Variants in SHISA6 observed in about 807,000 individuals in gnomAD.
SHISA6 encodes the protein protein shisa-6.
Under a neutral mutation model 47.9 loss-of-function variants are expected in SHISA6, and 22 were observed. That is an observed-to-expected ratio of 0.46 (90% CI 0.33 to 0.66). The LOEUF (loss-of-function observed/expected upper bound fraction) is 0.66, where lower values mean the gene tolerates loss of function less well. SHISA6 is among the 30% of genes least tolerant of loss of function. The pLI is 0.02. For synonymous variants in SHISA6, 388 were observed against 337.8 expected, an observed-to-expected ratio of 1.15 and a Z score of -1.63; for missense variants, 680 against 764.6, an observed-to-expected ratio of 0.89 and a Z score of 1.30.
chr17:11,318,953 G>C (rs1381954941), intron 2 of SHISA6, among the ~76,000 whole-genome samples: 1 of 151,644 alleles, frequency 6.6e-6, no homozygotes, highest in African/African-American at 2.4e-5. Context: ...ATTTGGATCT[G>C]TTATCCTTTT....
chr17:11,306,467 C>G lies in SHISA6; in HGVS notation c.799+42941C>G, dbSNP rs77857255. Among the ~76,000 whole-genome samples, 32 of 152,306 alleles carry G rather than the reference C, an allele frequency of 2.1e-4. No individual in the cohort carries two copies. In the East Asian group the frequency reaches 5.8e-3, roughly 28 times the overall value. ...GTGGAGGAGGTTTCTGATTGAGACC[C>G]TGGTTCCGCTCTCTGGGAAGCATGC... On this transcript the variant is annotated intron_variant, in intron 2 of 5. Transcript: ENST00000441885.
chr17:11,497,276 G>A (rs1216252966), intron 3 of SHISA6, among the ~76,000 whole-genome samples: 1 of 152,176 alleles, frequency 6.6e-6, no homozygotes, highest in Non-Finnish European at 1.5e-5. Flanking sequence ...TGGTGTCTCC[G>A]CTATCATTTT....
chr17:11,413,341 G>A (rs780158334), intron 3 of SHISA6, among the ~76,000 whole-genome samples: 1 of 152,182 alleles, frequency 6.6e-6, no homozygotes, highest in Non-Finnish European at 1.5e-5. Context: ...CAAGATGTCT[G>A]TGTTCACCCT....
At chr17:11,273,641 T>A (rs181330958) in intron 2 of SHISA6, among the ~76,000 whole-genome samples, 3 of 152,246 alleles carry the variant, frequency 2.0e-5, no homozygotes, top group Non-Finnish European at 4.4e-5. Context: ...CGCCCTGGGC[T>A]AGGAGCCTTC....
intron 2 of SHISA6, among the ~76,000 whole-genome samples, chr17:11,337,487 G>A (rs1249511116): frequency 6.6e-6 from 1 of 152,224 alleles, no homozygotes; most frequent in Non-Finnish European, 1.5e-5. Context: ...TGGGAGGCTG[G>A]CAACTTACAC....
At chr17:11,554,384 G>A (rs2071957101) in intron 4 of SHISA6, among the ~76,000 whole-genome samples, 2 of 152,114 alleles carry the variant, frequency 1.3e-5, no homozygotes, top group African/African-American at 4.8e-5. Flanking sequence ...CCCAGTGTTG[G>A]GGGTGACAAT....
Position 11,558,227 on chromosome 17 carries a change from A to G in SHISA6, c.1579A>G (p.Asn527Asp), listed in dbSNP as rs2072002861. The G allele has an allele frequency of 6.5e-7, 1 of 1,541,096 alleles. No homozygotes were observed. The highest frequency in any genetic ancestry group is 2.0e-5 in the Admixed American group (1 of 50,992). The change falls in exon 6 of 6, where the codon AAC becomes GAC. Residue 527 changes from asparagine to aspartate, a missense_variant. Asn to Asp is a conservative substitution (Grantham distance 23). This residue lies in a region of SHISA6 where 559 missense variants were observed against 674.1 expected (regional missense o/e 0.83). Transcript: ENST00000441885. Reference protein sequence around the residue: ...KRHAFASRRHNTVEQLHYIPG... With the variant: ...KRHAFASRRHDTVEQLHYIPG... ...TCATGCCTTTGCCTCACGCAGACAC[A>G]ACACGGTGGAGCAGCTGCACTACAT...
At chr17:11,446,016 T>TG (rs1915222895) in intron 3 of SHISA6, among the ~76,000 whole-genome samples, 1 of 152,058 alleles carries the variant, frequency 6.6e-6, no homozygotes, top group South Asian at 2.1e-4. Flanking sequence ...TTAGTAGAGA[T>TG]GGGGTTTCAC....
intron 3 of SHISA6, among the ~76,000 whole-genome samples, chr17:11,400,677 T>C (rs1913739406): frequency 1.3e-5 from 2 of 152,194 alleles, no homozygotes; most frequent in East Asian, 3.9e-4. Context: ...TTGTAGTGGT[T>C]TCCATTTCCT....
chr17:11,409,299 C>CT (rs1914047255), intron 3 of SHISA6, among the ~76,000 whole-genome samples: 1 of 152,110 alleles, frequency 6.6e-6, no homozygotes, highest in African/African-American at 2.4e-5. Context: ...TCCCCACTTT[C>CT]CCCCCCAAAA....
In SHISA6 at chr17:11,561,431, T is replaced by C. The variant is rs370059583; in HGVS notation, c.*3127T>C. 11 of 152,592 alleles carry C rather than the reference T, an allele frequency of 7.2e-5. No individual in the cohort carries two copies. Among genetic ancestry groups the C allele is most frequent in the African/African-American group, 2.4e-4 (10 of 41,592 alleles). 9.5% of individuals were successfully genotyped at this position (152,592 alleles called of 1,614,324 possible). A position where few individuals can be genotyped will look rare whatever the true frequency, so the allele number is the denominator to read the frequency against. ...TCCTGCATCTCCACCTTCCCTGTCT[T>C]GCTCCAGGCTCCTGGCTCCATGCCT... On this transcript the variant is annotated 3_prime_UTR_variant, in exon 6 of 6. Transcript: ENST00000441885.
chr17:11,279,304 A>C (rs1909040495), intron 2 of SHISA6, among the ~76,000 whole-genome samples: 1 of 152,100 alleles, frequency 6.6e-6, no homozygotes, highest in Non-Finnish European at 1.5e-5. Flanking sequence ...GCTTTTCTCT[A>C]CTTAAGAATA....
chr17:11,263,219 A>G (rs1908302823), intron 1 of SHISA6, 147 bp from the exon 2 acceptor site: 1 of 809,368 alleles, frequency 1.2e-6, no homozygotes, highest in Non-Finnish European at 1.9e-6. Flanking sequence ...CCAACACCAG[A>G]TGTAGCTGAC....
intron 3 of SHISA6, among the ~76,000 whole-genome samples, chr17:11,459,756 C>T (rs916912541): frequency 4.6e-5 from 7 of 152,282 alleles, no homozygotes; most frequent in Admixed American, 3.9e-4. Context: ...TTCCTTCCCT[C>T]GATCACTGGG....
intron 1 of SHISA6, among the ~76,000 whole-genome samples, chr17:11,249,999 AAGAAAATC>A (rs1183875763): frequency 6.6e-6 from 1 of 152,346 alleles, no homozygotes; most frequent in East Asian, 1.9e-4. Context: ...TATTGGCCTT[AAGAAAATC>A]AGTTTTATGC....
At chr17:11,423,255 A>T (rs920151567) in intron 3 of SHISA6, among the ~76,000 whole-genome samples, 3 of 144,012 alleles carry the variant, frequency 2.1e-5, no homozygotes, top group Admixed American at 7.1e-5. Context: ...ATATATATAT[A>T]ATATATATAT....
At chr17:11,555,655 G>T in intron 4 of SHISA6, 85 bp from the exon 5 acceptor site, 1 of 1,396,396 alleles carries the variant, frequency 7.2e-7, no homozygotes, top group Non-Finnish European at 9.5e-7. Flanking sequence ...GGAGGATGGG[G>T]ATTCGAATCA....
At chr17:11,378,889 A>C (rs907451997) in intron 2 of SHISA6, among the ~76,000 whole-genome samples, 33 of 152,178 alleles carry the variant, frequency 2.2e-4, no homozygotes, top group Non-Finnish European at 3.2e-4. Flanking sequence ...AAACATTAGA[A>C]AGAAAAAACA....
intron 2 of SHISA6, among the ~76,000 whole-genome samples, chr17:11,341,766 A>G (rs1222936529): frequency 6.6e-6 from 1 of 152,134 alleles, no homozygotes; most frequent in African/African-American, 2.4e-5. Flanking sequence ...CCCTGCCAAC[A>G]CCAAGCTCAT....
Sources: allele counts gnomAD v4.1 joint callset (sites outside exome capture counted in the v4.1 genomes callset), GRCh38; gene constraint gnomAD v4.1.1; regional missense constraint gnomAD v4.1.1; transcripts MANE v1.5; gene names NCBI Gene and HGNC (gene_info 2026-07-23, HGNC 2026-07-21).